ITCH: variants seen among roughly 807,000 people sequenced by gnomAD.
The protein encoded by ITCH is itchy E3 ubiquitin protein ligase, also known as E3 ubiquitin-protein ligase Itchy homolog.
ITCH carries 28 observed loss-of-function variants against 126.8 expected under a neutral mutation model. The observed-to-expected ratio is 0.22, with a 90% CI of 0.16 to 0.30. ITCH has a LOEUF of 0.30. Ranked by LOEUF, ITCH falls within the 10% of genes least tolerant of loss-of-function variation. The pLI is 1.00. For synonymous variants in ITCH, 342 were observed against 340.0 expected, an observed-to-expected ratio of 1.01 and a Z score of -0.06; for missense variants, 631 against 1,032.4, an observed-to-expected ratio of 0.61 and a Z score of 5.33.
chr20:34,422,954 T>C (rs1980981299), intron 6 of ITCH, among the ~76,000 whole-genome samples: 1 of 152,024 alleles, frequency 6.6e-6, no homozygotes, highest in Admixed American at 6.6e-5. Context: ...GCCACCACAC[T>C]CAGCTAATTT....
intron 8 of ITCH, among the ~76,000 whole-genome samples, chr20:34,439,775 T>C (rs1446170715): frequency 6.6e-6 from 1 of 152,238 alleles, no homozygotes; most frequent in African/African-American, 2.4e-5. Context: ...AAAATTGGTC[T>C]GTAATCTGCA....
chr20:34,496,330 C>T (rs1321408626), intron 23 of ITCH, among the ~76,000 whole-genome samples: 2 of 151,996 alleles, frequency 1.3e-5, no homozygotes, highest in Admixed American at 6.6e-5. Flanking sequence ...CTGTTGAGTT[C>T]TTGTATATTC....
chr20:34,404,409 T>A (rs1257702245), intron 3 of ITCH, among the ~76,000 whole-genome samples: 2 of 151,030 alleles, frequency 1.3e-5, no homozygotes, highest in Non-Finnish European at 3.0e-5. Flanking sequence ...TTCACAGAGC[T>A]TCTGTCTTTT....
intron 2 of ITCH, among the ~76,000 whole-genome samples, chr20:34,387,193 C>CT (rs2038313982): frequency 6.6e-6 from 1 of 151,564 alleles, no homozygotes; most frequent in Non-Finnish European, 1.5e-5. Context: ...ATCCCAGCTA[C>CT]TAGGGAGGCT....
At chr20:34,376,396 C>T (rs930618163) in intron 2 of ITCH, among the ~76,000 whole-genome samples, 1 of 151,744 alleles carries the variant, frequency 6.6e-6, no homozygotes, top group Non-Finnish European at 1.5e-5. Context: ...GATATCATGT[C>T]ACTGATATGT....
chr20:34,499,124 G>A (rs1405757483), intron 23 of ITCH, among the ~76,000 whole-genome samples: 5 of 151,568 alleles, frequency 3.3e-5, no homozygotes, highest in Non-Finnish European at 5.9e-5. Context: ...ACAGGCGCCT[G>A]CCACCATGCT....
At position 34,412,587 on chromosome 20, in the gene ITCH, G is replaced by T. The variant is rs1979193540; in HGVS notation, c.285G>T (p.Leu95Phe). 6.2e-7 allele frequency: 1 copy of T among 1,602,858 alleles called. No individual in the cohort carries two copies. Reference sequence around the variant, plus strand: ...AGACACTGAAATCTGATGTTTTGTTGGGAACTGCTGCATTAGATATTTATG... The same window carrying T: ...AGACACTGAAATCTGATGTTTTGTTTGGAACTGCTGCATTAGATATTTATG... ...SHQTLKSDVL[L>F]GTAALDIYET... The change falls in exon 5 of 25, where the codon TTG becomes TTT. Residue 95 changes from leucine to phenylalanine, a missense_variant. Transcript: ENST00000374864.
intron 3 of ITCH, among the ~76,000 whole-genome samples, chr20:34,404,156 T>C (rs1264535856): frequency 1.3e-5 from 2 of 152,182 alleles, no homozygotes; most frequent in Non-Finnish European, 2.9e-5. Context: ...AGCCCAGGTG[T>C]CAGATGAGAC....
At chr20:34,451,375 G>A (rs1985227097) in intron 12 of ITCH, among the ~76,000 whole-genome samples, 2 of 152,094 alleles carry the variant, frequency 1.3e-5, no homozygotes, top group East Asian at 3.9e-4. Flanking sequence ...TGGGAGGATC[G>A]CTTGAGCTTG....
chr20:34,412,581 T>A lies in ITCH; in HGVS notation c.279T>A (p.Val93=). The A allele has an allele frequency of 6.2e-7, 1 of 1,604,272 alleles. No individual in the cohort carries two copies. Among genetic ancestry groups the A allele is most frequent in the Non-Finnish European group, 8.5e-7 (1 of 1,171,112 alleles). ...VWSHQTLKSD[V]LLGTAALDIY... ...GTCACCAGACACTGAAATCTGATGT[T>A]TTGTTGGGAACTGCTGCATTAGATA... The change falls in exon 5 of 25, where the codon GTT becomes GTA. Residue 93 remains valine (V), a synonymous_variant. Coordinates refer to ENST00000374864, the MANE Select transcript of ITCH (RefSeq NM_031483.7).
chr20:34,371,291 T>TC (rs1286002489), intron 2 of ITCH, among the ~76,000 whole-genome samples: 1 of 147,514 alleles, frequency 6.8e-6, no homozygotes, highest in East Asian at 2.0e-4. Context: ...TTTTTTTTTT[T>TC]TTTTTTTTTT....
chr20:34,382,003 C>T (rs1208642626), intron 2 of ITCH, among the ~76,000 whole-genome samples: 2 of 152,238 alleles, frequency 1.3e-5, no homozygotes, highest in Non-Finnish European at 2.9e-5. Context: ...TCTTAGATTT[C>T]CATTTGTTTA....
chr20:34,372,291 T>A (rs2037664365), intron 2 of ITCH, among the ~76,000 whole-genome samples: 1 of 98,436 alleles, frequency 1.0e-5, no homozygotes, highest in Non-Finnish European at 1.9e-5. Context: ...GGCGACAGAG[T>A]GACAGAGGGA....
intron 23 of ITCH, among the ~76,000 whole-genome samples, chr20:34,495,316 T>TACATACAC (rs1989801746): frequency 3.8e-5 from 5 of 132,264 alleles, no homozygotes; most frequent in Non-Finnish European, 8.0e-5. Flanking sequence ...TATATATATA[T>TACATACAC]ACACACGCAC....
chr20:34,433,241 G>A (rs1982558182), intron 7 of ITCH, among the ~76,000 whole-genome samples: 1 of 152,274 alleles, frequency 6.6e-6, no homozygotes, highest in African/African-American at 2.4e-5. Flanking sequence ...AGTGAGCCGA[G>A]ATCGTGCCAT....
At chr20:34,410,558 T>C (rs1053456923) in intron 4 of ITCH, among the ~76,000 whole-genome samples, 1 of 152,108 alleles carries the variant, frequency 6.6e-6, no homozygotes, top group Non-Finnish European at 1.5e-5. Context: ...AGAAAACACA[T>C]GAGGCTGGGA....
At chr20:34,462,687 T>G (rs979031995) in intron 14 of ITCH, among the ~76,000 whole-genome samples, 1 of 152,248 alleles carries the variant, frequency 6.6e-6, no homozygotes, top group Admixed American at 6.5e-5. Context: ...CACATTCATA[T>G]TGTGGCATAA....
rs1216900718 is a variant in ITCH at position 34,439,209 on chromosome 20, G to GA, written c.679+582dup. ...AGTGTAGTTAAACCAAATATTACTA[G>GA]AAAAGTACATTAGTTCTCTGCAAAT... On this transcript the variant is annotated intron_variant, in intron 8 of 24. Transcript: ENST00000374864. 1.4e-4 allele frequency among the ~76,000 whole-genome samples: 21 copies of GA among 152,248 alleles called. No individual in the cohort carries two copies. In the East Asian group the frequency reaches 1.5e-3, roughly 11 times the overall value.
At chr20:34,401,564 A>G (rs2038885144) in intron 3 of ITCH, 1 of 784,344 alleles carries the variant, frequency 1.3e-6, no homozygotes, top group East Asian at 1.3e-4. Context: ...CTAACTTTCT[A>G]AAAGGAGTAT....
Sources: allele counts gnomAD v4.1 joint callset (sites outside exome capture counted in the v4.1 genomes callset), GRCh38; gene constraint gnomAD v4.1.1; transcripts MANE v1.5; gene names NCBI Gene and HGNC (gene_info 2026-07-23, HGNC 2026-07-21).